ABCB11: variants seen among roughly 807,000 people sequenced by gnomAD.
The protein encoded by ABCB11 is bile salt export pump.
A neutral mutation model predicts 148.0 loss-of-function variants in ABCB11; 95 were observed. The ratio of observed to expected loss-of-function variants is 0.64; its 90% CI spans 0.54 to 0.76. ABCB11 has a LOEUF of 0.76. ABCB11 is among the 30% of genes least tolerant of loss of function. The probability of loss-of-function intolerance (pLI) is 0.00; values close to 1 mark genes in which losing one functional copy is unlikely to be tolerated. For synonymous variants in ABCB11, 591 were observed against 555.4 expected (o/e 1.06, Z -0.90); for missense variants, 1,523 against 1,617.8 (o/e 0.94, Z 1.01).
intron 5 of ABCB11, among the ~76,000 whole-genome samples, chr2:169,007,164 A>C (rs1376042359): frequency 6.6e-6 from 1 of 152,068 alleles, no homozygotes; most frequent in East Asian, 1.9e-4. Context: ...TGTGTAGGTC[A>C]ATGGAATAGC....
chr2:168,925,841 T>G (rs1293313315), intron 26 of ABCB11, among the ~76,000 whole-genome samples: 1 of 152,204 alleles, frequency 6.6e-6, no homozygotes, highest in Non-Finnish European at 1.5e-5. Flanking sequence ...ACCAGCTCCA[T>G]GACAGTGCCT....
intron 5 of ABCB11, among the ~76,000 whole-genome samples, chr2:169,009,274 C>A (rs2106039048): frequency 6.6e-6 from 1 of 152,160 alleles, no homozygotes; most frequent in Admixed American, 6.5e-5. Flanking sequence ...AGGATACATG[C>A]ACACGTATGT....
intron 19 of ABCB11, among the ~76,000 whole-genome samples, chr2:168,949,639 T>C (rs1481402256): frequency 6.6e-6 from 1 of 151,734 alleles, no homozygotes; most frequent in Non-Finnish European, 1.5e-5. Flanking sequence ...CTATTGTGAA[T>C]AGTGTGACAA....
intron 18 of ABCB11, among the ~76,000 whole-genome samples, chr2:168,963,990 C>G (rs1375534510): frequency 6.6e-6 from 1 of 151,746 alleles, no homozygotes; most frequent in African/African-American, 2.4e-5. Flanking sequence ...TTTTCATTAC[C>G]TTGTATTCTT....
intron 23 of ABCB11, 59 bp from the exon 24 acceptor site, chr2:168,932,592 G>A (rs1691625500): frequency 5.1e-6 from 8 of 1,578,830 alleles, no homozygotes; most frequent in Middle Eastern, 1.7e-4. Context: ...GTGATGACCT[G>A]AAGGCAGAAG....
chr2:168,977,116 CAT>C (rs1326683256), intron 11 of ABCB11, among the ~76,000 whole-genome samples: 1 of 148,040 alleles, frequency 6.8e-6, no homozygotes, highest in African/African-American at 2.5e-5. Context: ...ATATATAATA[CAT>C]ATGTTGTATT....
intron 17 of ABCB11, among the ~76,000 whole-genome samples, chr2:168,966,511 CA>C (rs1383965125): frequency 2.0e-5 from 3 of 151,882 alleles, no homozygotes; most frequent in Non-Finnish European, 4.4e-5. Context: ...CAGAAACTGA[CA>C]ACATCTGTCT....
chr2:168,984,442 A>T (rs1299106453), intron 10 of ABCB11, among the ~76,000 whole-genome samples: 2 of 152,192 alleles, frequency 1.3e-5, no homozygotes, highest in Admixed American at 6.6e-5. Context: ...TATTGAATGA[A>T]TAACTGTAAA....
At chr2:168,954,027 A>G (rs1692680127) in intron 19 of ABCB11, among the ~76,000 whole-genome samples, 1 of 151,640 alleles carries the variant, frequency 6.6e-6, no homozygotes, top group Non-Finnish European at 1.5e-5. Context: ...CCTTGGGCAC[A>G]TGTTGTCAGG....
At chr2:168,916,983 A>C (rs182788363), downstream of ABCB11, among the ~76,000 whole-genome samples, 68 of 152,326 alleles carry the variant, frequency 4.5e-4, no homozygotes, top group African/African-American at 1.5e-3. Flanking sequence ...TTGAATAAAT[A>C]TATGGCAAAC....
intron 9 of ABCB11, among the ~76,000 whole-genome samples, chr2:168,987,152 G>A (rs1308521970): frequency 1.3e-5 from 2 of 152,116 alleles, no homozygotes; most frequent in Admixed American, 1.3e-4. Context: ...ACGATAATAA[G>A]AGGTTGTAAA....
chr2:168,936,613 C>G (rs1388902601), intron 21 of ABCB11, among the ~76,000 whole-genome samples, 180 bp from the exon 22 acceptor site: 1 of 152,182 alleles, frequency 6.6e-6, no homozygotes, highest in Non-Finnish European at 1.5e-5. Context: ...GTAACCATCA[C>G]ACATCTATAC....
intron 10 of ABCB11, among the ~76,000 whole-genome samples, chr2:168,980,186 A>G (rs1694087125): frequency 9.6e-6 from 1 of 103,856 alleles, no homozygotes; most frequent in South Asian, 3.2e-4. Flanking sequence ...TATGATTTAA[A>G]ATACCACTTT....
intron 12 of ABCB11, among the ~76,000 whole-genome samples, chr2:168,975,875 C>A (rs1324266091): frequency 3.4e-5 from 4 of 117,810 alleles, no homozygotes; most frequent in Non-Finnish European, 7.4e-5. Context: ...GGATTTAGTT[C>A]TGTGCAGATA....
intron 16 of ABCB11, among the ~76,000 whole-genome samples, chr2:168,968,805 A>G (rs913493020): frequency 2.6e-5 from 4 of 151,242 alleles, no homozygotes; most frequent in African/African-American, 9.7e-5. Context: ...AAAAAATGAT[A>G]GAAACACTAA....
At chr2:169,027,187 G>T (rs1201601498) in intron 1 of ABCB11, among the ~76,000 whole-genome samples, 1 of 152,160 alleles carries the variant, frequency 6.6e-6, no homozygotes, top group African/African-American at 2.4e-5. Flanking sequence ...GGAACAGACT[G>T]AGAATTTTCA....
chr2:168,995,296 G>C, intron 7 of ABCB11, 53 bp downstream of exon 7: 1 of 1,536,250 alleles, frequency 6.5e-7, no homozygotes, highest in Non-Finnish European at 8.8e-7. Flanking sequence ...TAGAAACAAG[G>C]GTTTTATTAT....
At chr2:168,960,316 T>A (rs1402608643) in intron 18 of ABCB11, among the ~76,000 whole-genome samples, 1 of 151,746 alleles carries the variant, frequency 6.6e-6, no homozygotes, top group Admixed American at 6.6e-5. Flanking sequence ...ATGTGTCAGC[T>A]GTGCTGTACG....
chr2:168,987,212 C>G (rs561168432), intron 9 of ABCB11, among the ~76,000 whole-genome samples: 3 of 152,208 alleles, frequency 2.0e-5, no homozygotes, highest in Admixed American at 6.5e-5. Context: ...GAGAATAACA[C>G]CATCTTACCA....
Sources: gnomAD v4.1 joint callset for allele counts (sites outside exome capture counted in the v4.1 genomes callset) on GRCh38, gnomAD v4.1.1 for gene constraint, MANE v1.5 for transcripts, NCBI Gene and HGNC (gene_info 2026-07-23, HGNC 2026-07-21) for gene names.